RPS6KC1: variants seen among roughly 807,000 people sequenced by gnomAD.
RPS6KC1 encodes the protein ribosomal protein S6 kinase C1.
A neutral mutation model predicts 103.8 loss-of-function variants in RPS6KC1; 54 were observed. That is an observed-to-expected ratio of 0.52 (90% CI 0.42 to 0.65). The LOEUF is 0.65. Ranked by LOEUF, RPS6KC1 falls within the 30% of genes least tolerant of loss-of-function variation. The probability of loss-of-function intolerance (pLI) is 0.00; values close to 1 mark genes in which losing one functional copy is unlikely to be tolerated. For synonymous variants in RPS6KC1, 439 were observed against 438.7 expected, an observed-to-expected ratio of 1.00 and a Z score of -0.01; for missense variants, 1,151 against 1,253.8, an observed-to-expected ratio of 0.92 and a Z score of 1.24.
the RPS6KC1 span, among the ~76,000 whole-genome samples, chr1:213,297,938 A>G: frequency 6.6e-6 from 1 of 152,154 alleles, no homozygotes; most frequent in Non-Finnish European, 1.5e-5. Flanking sequence ...TTTTGATGTT[A>G]ATTTCCCATT....
chr1:213,533,782 T>C, the RPS6KC1 span, among the ~76,000 whole-genome samples: 2 of 152,360 alleles, frequency 1.3e-5, no homozygotes, highest in South Asian at 4.1e-4. Context: ...GGGGCTGCTC[T>C]GTTTGTGGCC....
At chr1:213,139,124 C>A (rs1195000137) in intron 6 of RPS6KC1, among the ~76,000 whole-genome samples, 1 of 151,138 alleles carries the variant, frequency 6.6e-6, no homozygotes, top group African/African-American at 2.4e-5. Flanking sequence ...AGCATGTTTT[C>A]ATATGTTTGT....
At chr1:213,475,918 A>T in the RPS6KC1 span, among the ~76,000 whole-genome samples, 1 of 152,086 alleles carries the variant, frequency 6.6e-6, no homozygotes, top group Non-Finnish European at 1.5e-5. Context: ...GAAACTGTAC[A>T]CTTGGGGGAA....
the RPS6KC1 span, among the ~76,000 whole-genome samples, chr1:213,450,407 G>A: frequency 6.6e-6 from 1 of 151,712 alleles, no homozygotes. Context: ...CCATTGGGTG[G>A]AATGAAAACT....
the RPS6KC1 span, among the ~76,000 whole-genome samples, chr1:213,393,066 T>G: frequency 3.9e-5 from 6 of 152,228 alleles, no homozygotes; most frequent in Admixed American, 1.3e-4. Flanking sequence ...TGACAATAGA[T>G]GTGGAAATAA....
the RPS6KC1 span, among the ~76,000 whole-genome samples, chr1:213,464,500 T>G: frequency 2.6e-5 from 4 of 152,192 alleles, no homozygotes; most frequent in African/African-American, 9.6e-5. Context: ...CTCAGTTTTA[T>G]TTTCAAAGAC....
At chr1:213,246,111 A>T (rs1397844324) in intron 12 of RPS6KC1, among the ~76,000 whole-genome samples, 1 of 152,186 alleles carries the variant, frequency 6.6e-6, no homozygotes, top group Non-Finnish European at 1.5e-5. Context: ...CAGACCCATC[A>T]AGAGGGTCTT....
intron 12 of RPS6KC1, among the ~76,000 whole-genome samples, chr1:213,258,945 G>A (rs530806248): frequency 6.6e-6 from 1 of 152,268 alleles, no homozygotes; most frequent in Admixed American, 6.5e-5. Flanking sequence ...TCCTTCATGA[G>A]TATCATTATT....
intron 9 of RPS6KC1, among the ~76,000 whole-genome samples, chr1:213,231,740 T>C (rs2094108986): frequency 6.6e-6 from 1 of 152,224 alleles, no homozygotes; most frequent in Non-Finnish European, 1.5e-5. Flanking sequence ...ATACCTTTTG[T>C]GTCTCAGGAG....
At chr1:213,402,142 G>A in the RPS6KC1 span, among the ~76,000 whole-genome samples, 5 of 152,192 alleles carry the variant, frequency 3.3e-5, no homozygotes, top group African/African-American at 1.2e-4. Context: ...AAGGAGCCAG[G>A]AGTGGTGTCA....
the RPS6KC1 span, among the ~76,000 whole-genome samples, chr1:213,345,005 C>T: frequency 4.6e-5 from 7 of 152,098 alleles, no homozygotes; most frequent in African/African-American, 1.7e-4. Flanking sequence ...ATTCTTTTGA[C>T]CTTTTAGTAT....
At chr1:213,793,868 T>C in the RPS6KC1 span, among the ~76,000 whole-genome samples, 1 of 152,102 alleles carries the variant, frequency 6.6e-6, no homozygotes, top group African/African-American at 2.4e-5. Flanking sequence ...GAAAGGGTTT[T>C]TTTGTGTGTG....
the RPS6KC1 span, among the ~76,000 whole-genome samples, chr1:213,631,064 G>T: frequency 9.9e-5 from 15 of 152,106 alleles, no homozygotes; most frequent in African/African-American, 3.4e-4. Flanking sequence ...TTGGAAAAGC[G>T]CAATATTAGG....
chr1:213,641,789 A>G, the RPS6KC1 span, among the ~76,000 whole-genome samples: 1 of 151,830 alleles, frequency 6.6e-6, no homozygotes, highest in African/African-American at 2.4e-5. Flanking sequence ...AAAGTGATAG[A>G]AGGACATCAC....
At chr1:213,378,608 C>T in the RPS6KC1 span, among the ~76,000 whole-genome samples, 19 of 152,196 alleles carry the variant, frequency 1.2e-4, no homozygotes, top group South Asian at 3.5e-3. Flanking sequence ...GCAGGTACTG[C>T]CCCACCATTA....
At chr1:213,741,086 A>G in the RPS6KC1 span, among the ~76,000 whole-genome samples, 7 of 149,058 alleles carry the variant, frequency 4.7e-5, no homozygotes, top group East Asian at 1.4e-3. Flanking sequence ...TAAATAATGT[A>G]TATAGAGAGA....
intron 8 of RPS6KC1, among the ~76,000 whole-genome samples, chr1:213,219,987 C>G (rs986119321): frequency 6.6e-6 from 1 of 151,642 alleles, no homozygotes; most frequent in African/African-American, 2.4e-5. Context: ...TGCACATGTA[C>G]CCTAAAACTT....
the RPS6KC1 span, among the ~76,000 whole-genome samples, chr1:213,608,372 G>T: frequency 6.6e-6 from 1 of 152,186 alleles, no homozygotes; most frequent in Admixed American, 6.5e-5. Flanking sequence ...CTCTCCTGGT[G>T]GCCCCCTAAA....
chr1:213,194,784 C>T (rs564862248), intron 8 of RPS6KC1, among the ~76,000 whole-genome samples: 1 of 152,288 alleles, frequency 6.6e-6, no homozygotes, highest in Non-Finnish European at 1.5e-5. Context: ...ATCTCAAAAC[C>T]ATGCCCTACA....
Sources: gnomAD v4.1 joint callset for allele counts (sites outside exome capture counted in the v4.1 genomes callset) on GRCh38, gnomAD v4.1.1 for gene constraint, MANE v1.5 for transcripts, NCBI Gene and HGNC (gene_info 2026-07-23, HGNC 2026-07-21) for gene names.